MYO5B: variants seen among roughly 807,000 people sequenced by gnomAD.
MYO5B encodes myosin VB.
In MYO5B, 143 loss-of-function variants were observed where a neutral mutation model predicts 229.3. The ratio of observed to expected loss-of-function variants is 0.62; its 90% CI spans 0.54 to 0.72. MYO5B has a LOEUF of 0.72. Ranked by LOEUF, MYO5B falls within the 30% of genes least tolerant of loss-of-function variation. The pLI, the probability that MYO5B is intolerant of heterozygous loss-of-function variation, is 0.00. For missense variants in MYO5B, 2,321 were observed against 2,331.0 expected (o/e 1.00, Z 0.09); for synonymous variants, 918 against 885.2 (o/e 1.04, Z -0.66).
chr18:50,083,990 A>G (rs1465196554), intron 1 of MYO5B, among the ~76,000 whole-genome samples: 1 of 152,198 alleles, frequency 6.6e-6, no homozygotes, highest in African/African-American at 2.4e-5. Context: ...CTTAATAGCT[A>G]TGTGACTCAG....
chr18:49,861,781 G>A (rs2024332748), intron 29 of MYO5B, among the ~76,000 whole-genome samples: 1 of 152,092 alleles, frequency 6.6e-6, no homozygotes, highest in African/African-American at 2.4e-5. Flanking sequence ...GCAGAAAGAG[G>A]GACTGGATGA....
chr18:49,854,058 A>G (rs932987998), intron 30 of MYO5B, among the ~76,000 whole-genome samples: 1 of 152,058 alleles, frequency 6.6e-6, no homozygotes, highest in Non-Finnish European at 1.5e-5. Flanking sequence ...TTAAGATAAA[A>G]CTCTGGCAAA....
At chr18:50,021,036 A>G (rs185820304) in intron 4 of MYO5B, among the ~76,000 whole-genome samples, 176 of 152,268 alleles carry the variant, frequency 1.2e-3, no homozygotes, top group African/African-American at 4.0e-3. Context: ...GAGGTACACT[A>G]AGAACATGGT....
intron 1 of MYO5B, among the ~76,000 whole-genome samples, chr18:50,120,401 G>A (rs2032038228): frequency 6.6e-6 from 1 of 152,230 alleles, no homozygotes; most frequent in Non-Finnish European, 1.5e-5. Flanking sequence ...GCAGGCAGCA[G>A]GAGGGTGACC....
chr18:50,110,614 T>C (rs148001028), intron 1 of MYO5B, among the ~76,000 whole-genome samples: 58 of 152,218 alleles, frequency 3.8e-4, no homozygotes, highest in Non-Finnish European at 7.6e-4. Flanking sequence ...TATCCCTGAG[T>C]GCATGTCACT....
chr18:50,019,814 A>G (rs2026255271), intron 4 of MYO5B, among the ~76,000 whole-genome samples: 1 of 152,244 alleles, frequency 6.6e-6, no homozygotes, highest in South Asian at 2.1e-4. Context: ...CTGCTTTAAA[A>G]TAAAAGAATT....
intron 9 of MYO5B, among the ~76,000 whole-genome samples, chr18:49,978,573 T>C (rs1267556155): frequency 6.6e-6 from 1 of 152,020 alleles, no homozygotes; most frequent in Non-Finnish European, 1.5e-5. Flanking sequence ...CATCTACTTC[T>C]TGGGTACCTG....
chr18:49,839,242 A>T lies in MYO5B; in HGVS notation c.4754T>A (p.Phe1585Tyr). Residue 1585 changes from phenylalanine to tyrosine, a missense_variant, in exon 36 of 40, where the codon TTT becomes TAT. Physicochemically the swap from Phe to Tyr is conservative, Grantham distance 22. Coordinates refer to ENST00000285039, the MANE Select transcript of MYO5B (RefSeq NM_001080467.3). The part of the protein sequence containing the change: ...AKQNEHCLKN[F>Y]DLTEYRQVLS... ...CACCTGACGGTATTCGGTGAGGTCAAAATTCTTAAGACAGTGTTCATTCTG... is the reference window on the plus strand; with the variant it reads ...CACCTGACGGTATTCGGTGAGGTCATAATTCTTAAGACAGTGTTCATTCTG... The T allele has an allele frequency of 1.2e-6, 2 of 1,614,216 alleles. No homozygotes were observed. The highest frequency in any genetic ancestry group is 1.7e-6 in the Non-Finnish European group (2 of 1,180,038).
At chr18:50,070,018 C>CTTTTTTTTTTT (rs765610800) in intron 1 of MYO5B, among the ~76,000 whole-genome samples, 3 of 110,070 alleles carry the variant, frequency 2.7e-5, no homozygotes, top group African/African-American at 1.1e-4. Context: ...GCAATTTAGT[C>CTTTTTTTTTTT]TTTTTTTTTT....
intron 1 of MYO5B, among the ~76,000 whole-genome samples, chr18:50,114,121 T>C (rs754532513): frequency 3.9e-5 from 6 of 152,146 alleles, no homozygotes; most frequent in Non-Finnish European, 8.8e-5. Context: ...TGTAAGGTAA[T>C]AAGCAGTTGC....
intron 4 of MYO5B, among the ~76,000 whole-genome samples, chr18:50,013,003 G>GA (rs1029763261): frequency 2.4e-4 from 37 of 152,228 alleles, no homozygotes; most frequent in African/African-American, 8.9e-4. Flanking sequence ...CAAGCACACA[G>GA]TGAGTGCTGG....
chr18:50,091,762 G>A (rs1277417882), intron 1 of MYO5B, among the ~76,000 whole-genome samples: 5 of 152,168 alleles, frequency 3.3e-5, no homozygotes, highest in East Asian at 1.9e-4. Context: ...GTGTCTGCTT[G>A]CAGCTTCTAC....
intron 1 of MYO5B, among the ~76,000 whole-genome samples, chr18:50,118,685 C>T (rs1469919849): frequency 1.4e-5 from 2 of 145,758 alleles, no homozygotes; most frequent in Non-Finnish European, 3.0e-5. Context: ...AGTGCAGTGG[C>T]GCGATCTCGG....
At chr18:50,083,148 C>T (rs2031257150) in intron 1 of MYO5B, among the ~76,000 whole-genome samples, 1 of 152,164 alleles carries the variant, frequency 6.6e-6, no homozygotes, top group Non-Finnish European at 1.5e-5. Context: ...TCAGGAACAG[C>T]CAAATAGAAG....
At chr18:49,931,246 A>G (rs2025187855) in intron 16 of MYO5B, among the ~76,000 whole-genome samples, 1 of 152,084 alleles carries the variant, frequency 6.6e-6, no homozygotes, top group Non-Finnish European at 1.5e-5. Flanking sequence ...GCAAGATGCC[A>G]CCTCAACCCA....
At chr18:49,872,076 G>A in intron 27 of MYO5B, 91 bp downstream of exon 27, 1 of 1,190,192 alleles carries the variant, frequency 8.4e-7, no homozygotes, top group East Asian at 2.3e-5. Flanking sequence ...TAGCAGACTG[G>A]GGCTCAGGGC....
chr18:50,172,974 C>T (rs1292140956), intron 1 of MYO5B, among the ~76,000 whole-genome samples: 2 of 152,144 alleles, frequency 1.3e-5, no homozygotes, highest in Non-Finnish European at 2.9e-5. Context: ...AACAAAGAAG[C>T]CAGTGTGGGC....
intron 1 of MYO5B, among the ~76,000 whole-genome samples, chr18:50,155,046 T>C (rs1448401867): frequency 6.6e-6 from 1 of 152,246 alleles, no homozygotes; most frequent in Non-Finnish European, 1.5e-5. Context: ...TCTAGTGGTT[T>C]TAACTCGGAC....
chr18:50,062,706 T>A (rs148363145), intron 1 of MYO5B, among the ~76,000 whole-genome samples: 8 of 152,308 alleles, frequency 5.3e-5, no homozygotes, highest in African/African-American at 1.9e-4. Context: ...AGACACCGCA[T>A]CCTGAACCCA....
Sources: allele counts gnomAD v4.1 joint callset (sites outside exome capture counted in the v4.1 genomes callset), GRCh38; gene constraint gnomAD v4.1.1; transcripts MANE v1.5; gene names NCBI Gene and HGNC (gene_info 2026-07-23, HGNC 2026-07-21).